Variants in MINDY4 observed in about 807,000 individuals in gnomAD.
MINDY4 encodes probable ubiquitin carboxyl-terminal hydrolase MINDY-4.
In MINDY4, 68 loss-of-function variants were observed where a neutral mutation model predicts 87.0. The ratio of observed to expected loss-of-function variants is 0.78; its 90% CI spans 0.64 to 0.96. The LOEUF (loss-of-function observed/expected upper bound fraction) is 0.96. Ranked by LOEUF, MINDY4 falls within the 40% of genes least tolerant of loss-of-function variation. The pLI is 0.00. For synonymous variants in MINDY4, 379 were observed against 363.2 expected (o/e 1.04, Z -0.50); for missense variants, 919 against 928.2 (o/e 0.99, Z 0.13).
At chr7:30,861,400 T>A (rs1211184245) in intron 13 of MINDY4, among the ~76,000 whole-genome samples, 1 of 152,306 alleles carries the variant, frequency 6.6e-6, no homozygotes, top group East Asian at 1.9e-4. Flanking sequence ...CTGCTGTGAG[T>A]GCTGTCACCA....
rs201463682 is a variant in MINDY4, at chr7:30,791,197, C to T, written c.696C>T (p.Ser232=). The T allele has an allele frequency of 3.7e-6, 6 of 1,613,802 alleles. No individual in the cohort carries two copies. In the Admixed American group the frequency reaches 1.0e-4, roughly 27 times the overall value. Residue 232 remains serine, a synonymous_variant, in exon 5 of 18, where the codon TCC becomes TCT. Transcript: ENST00000265299. ...TTCACAGACACTATCTGAGACGGTC[C>T]TCACCGTCAAGCAGCTCCACCCAAC... ...DSFHRHYLRR[S]SPSSSSTQPQ...
At chr7:30,858,532 A>G (rs1789648937) in intron 12 of MINDY4, 1 of 152,092 alleles carries the variant, frequency 6.6e-6, no homozygotes, top group African/African-American at 2.4e-5. Context: ...CTCACTTTGG[A>G]TGCAAAATCT....
intron 6 of MINDY4, among the ~76,000 whole-genome samples, chr7:30,831,733 T>C (rs2128563740): frequency 6.6e-6 from 1 of 152,330 alleles, no homozygotes; most frequent in African/African-American, 2.4e-5. Flanking sequence ...AGAAAAAAGC[T>C]GTGTGGCCCA....
rs138870166 is a variant in MINDY4, at chr7:30,810,234, C to T, written c.1074-18445C>T. On this transcript the variant is annotated intron_variant, in intron 5 of 17. Coordinates refer to ENST00000265299, the MANE Select transcript of MINDY4 (RefSeq NM_032222.3). ...AATAAGTCAGAAAGTTGAGGCATGTCGAAGAGTTGTCTGCGAAAGTCGTGA... is the reference window on the plus strand; with the variant it reads ...AATAAGTCAGAAAGTTGAGGCATGTTGAAGAGTTGTCTGCGAAAGTCGTGA... 2.9e-5 allele frequency among the ~76,000 whole-genome samples: 4 copies of T among 137,954 alleles called. No homozygotes were observed. In the East Asian group the frequency reaches 6.2e-4, roughly 21 times the overall value. 90.5% of individuals were successfully genotyped at this position (137,954 alleles called of 152,430 possible).
At chr7:30,816,922 G>A (rs1057167679) in intron 5 of MINDY4, among the ~76,000 whole-genome samples, 1 of 152,200 alleles carries the variant, frequency 6.6e-6, no homozygotes, top group Non-Finnish European at 1.5e-5. Flanking sequence ...TCAACCGTTT[G>A]AGAACTGGCA....
chr7:30,887,665 G>C (rs1270227498), intron 17 of MINDY4, among the ~76,000 whole-genome samples: 1 of 152,212 alleles, frequency 6.6e-6, no homozygotes, highest in Non-Finnish European at 1.5e-5. Flanking sequence ...CAGCTGGCCT[G>C]GTGGGGGTCG....
intron 12 of MINDY4, among the ~76,000 whole-genome samples, chr7:30,856,800 C>T (rs1789584751): frequency 6.6e-6 from 1 of 151,548 alleles, no homozygotes; most frequent in Admixed American, 6.6e-5. Context: ...CTTCCCTAGG[C>T]AGCATGCAGA....
rs749362253 is a variant in MINDY4 at position 30,853,451 on chromosome 7, A to G, written c.1669A>G (p.Ile557Val). ...EDLVTFLQQS[I>V]HQFEVGPYGC... ...CCTGGTGACTTTTCTTCAACAAAGC[A>G]TTCATCAGGTATGAAGCATGCCTTA... is the stretch of plus-strand genomic sequence containing the variant. The change falls in exon 12 of 18, where the codon ATT becomes GTT. Residue 557 changes from isoleucine (I) to valine (V), a missense_variant. Ile to Val is a conservative substitution (Grantham distance 29). Coordinates refer to ENST00000265299, the MANE Select transcript of MINDY4 (RefSeq NM_032222.3). The G allele has an allele frequency of 1.9e-6, 3 of 1,612,442 alleles. No homozygotes were observed. The East Asian group carries it at 6.7e-5, about 36-fold the overall frequency.
Position 30,882,270 on chromosome 7 carries a change from G to A in MINDY4, c.2061G>A (p.Gly687=), listed in dbSNP as rs747942125. ...HFSILFSLQP[G]LLRDWRTERL... ...GCATCCTCTTTAGCCTGCAGCCGGGGCTCCTGCGTGACTGGAGGACTGAGA... is the reference window on the plus strand; with the variant it reads ...GCATCCTCTTTAGCCTGCAGCCGGGACTCCTGCGTGACTGGAGGACTGAGA... Residue 687 remains glycine (G), a synonymous_variant, in exon 16 of 18, where the codon GGG becomes GGA. Transcript: ENST00000265299. 1.9e-6 allele frequency: 3 copies of A among 1,614,008 alleles called. No homozygotes were observed. The highest frequency in any genetic ancestry group is 2.5e-6 in the Non-Finnish European group (3 of 1,179,894).
rs141284567 is a variant in MINDY4 at position 30,815,608 on chromosome 7, G to A, written c.1074-13071G>A. 2.6e-5 allele frequency among the ~76,000 whole-genome samples: 4 copies of A among 152,340 alleles called. No individual in the cohort carries two copies. In the East Asian group the frequency reaches 7.7e-4, roughly 29 times the overall value. Reference sequence around the variant, plus strand: ...TTTGCTTGGTGAACTGCATACCCCAGGCCAGAGTGGTTACTCAATGAATTT... The same window carrying A: ...TTTGCTTGGTGAACTGCATACCCCAAGCCAGAGTGGTTACTCAATGAATTT... On this transcript the variant is annotated intron_variant, in intron 5 of 17. Coordinates refer to ENST00000265299, the MANE Select transcript of MINDY4 (RefSeq NM_032222.3).
At chr7:30,797,396 A>G (rs1787521525) in intron 5 of MINDY4, among the ~76,000 whole-genome samples, 1 of 152,218 alleles carries the variant, frequency 6.6e-6, no homozygotes, top group Non-Finnish European at 1.5e-5. Flanking sequence ...CAGAGCTGCT[A>G]TTTTATAAAG....
chr7:30,774,975 T>C (rs1786764110), intron 1 of MINDY4, among the ~76,000 whole-genome samples: 1 of 152,172 alleles, frequency 6.6e-6, no homozygotes, highest in South Asian at 2.1e-4. Context: ...CTTGAACTCT[T>C]GAATTCTTAC....
chr7:30,785,967 CTG>C lies in MINDY4; in HGVS notation c.639_640del (p.Gly214AlafsTer36). ...GGTCTGATTGTGCGAGGCATGATGTCTGGGCCCATCGCCAGCTCCCCACAGGT... is the reference window on the plus strand; with the variant it reads ...GGTCTGATTGTGCGAGGCATGATGTCGGCCCATCGCCAGCTCCCCACAGGT... On this transcript the variant is annotated frameshift_variant, in exon 4 of 18. Transcript: ENST00000265299. LOFTEE classifies it high-confidence loss of function. The C allele has an allele frequency of 6.2e-7, 1 of 1,614,182 alleles. No individual in the cohort carries two copies. The highest frequency in any genetic ancestry group is 8.5e-7 in the Non-Finnish European group (1 of 1,180,030).
chr7:30,802,705 G>A lies in MINDY4; in HGVS notation c.1073+11131G>A, dbSNP rs558271098. On this transcript the variant is annotated intron_variant, in intron 5 of 17. Coordinates refer to ENST00000265299, the MANE Select transcript of MINDY4 (RefSeq NM_032222.3). ...CAATTTGAACTTTAGTTTGCCTGTT[G>A]GCATTCATTAATTTACTCAGTAATT... 5.9e-5 allele frequency among the ~76,000 whole-genome samples: 9 copies of A among 152,260 alleles called. No homozygotes were observed. In the Middle Eastern group the frequency reaches 0.01, roughly 173 times the overall value.
At chr7:30,785,301 C>CG (rs1554277655) in intron 3 of MINDY4, among the ~76,000 whole-genome samples, 1 of 151,164 alleles carries the variant, frequency 6.6e-6, no homozygotes, top group Non-Finnish European at 1.5e-5. Context: ...CACACACACA[C>CG]CCATTGGCAC....
At chr7:30,802,622 A>G (rs928288094) in intron 5 of MINDY4, among the ~76,000 whole-genome samples, 3 of 152,186 alleles carry the variant, frequency 2.0e-5, no homozygotes, top group African/African-American at 7.2e-5. Flanking sequence ...AGTTATGCTA[A>G]TCTGTCTGTG....
At chr7:30,864,158 G>C (rs1350219968) in intron 13 of MINDY4, among the ~76,000 whole-genome samples, 1 of 152,254 alleles carries the variant, frequency 6.6e-6, no homozygotes, top group Non-Finnish European at 1.5e-5. Context: ...GTCCGGAAGA[G>C]GTGGTAGCTT....
At chr7:30,855,334 G>A (rs1004755166) in intron 12 of MINDY4, among the ~76,000 whole-genome samples, 27 of 152,264 alleles carry the variant, frequency 1.8e-4, no homozygotes, top group African/African-American at 5.5e-4. Context: ...GTCTGAAGGA[G>A]CAGAAAGGAG....
intron 17 of MINDY4, among the ~76,000 whole-genome samples, chr7:30,887,437 C>T (rs1392139970): frequency 6.6e-6 from 1 of 152,242 alleles, no homozygotes; most frequent in East Asian, 1.9e-4. Flanking sequence ...GAGAGAAGAG[C>T]TGTGGAAGCA....
Sources: allele counts gnomAD v4.1 joint callset (sites outside exome capture counted in the v4.1 genomes callset), GRCh38; gene constraint gnomAD v4.1.1; transcripts MANE v1.5; gene names NCBI Gene and HGNC (gene_info 2026-07-23, HGNC 2026-07-21).